Variants in AREL1 observed in about 807,000 individuals in gnomAD.
The protein encoded by AREL1 is apoptosis-resistant E3 ubiquitin protein ligase 1.
AREL1 carries 62 observed loss-of-function variants against 99.0 expected under a neutral mutation model. The ratio of observed to expected loss-of-function variants is 0.63; its 90% CI spans 0.51 to 0.77. AREL1 has a LOEUF of 0.77. Among genes scored for constraint, AREL1 ranks in the 30% least tolerant of loss-of-function variants. AREL1 has a pLI of 0.00. For missense variants in AREL1, 879 were observed against 1,027.6 expected, an observed-to-expected ratio of 0.86 and a Z score of 1.98; for synonymous variants, 380 against 376.5, an observed-to-expected ratio of 1.01 and a Z score of -0.11.
At chr14:74,671,359 G>A (rs376649199) in intron 12 of AREL1, 49 bp downstream of exon 12, 24 of 608,496 alleles carry the variant, frequency 3.9e-5, no homozygotes, top group African/African-American at 1.0e-4. Flanking sequence ...GAGAAGGTGC[G>A]AGTGGGGAGG....
chr14:74,706,197 T>G (rs1285550172), intron 1 of AREL1, among the ~76,000 whole-genome samples: 1 of 152,196 alleles, frequency 6.6e-6, no homozygotes, highest in East Asian at 1.9e-4. Flanking sequence ...TTTGGACCAC[T>G]GAATCTTGGC....
intron 5 of AREL1, among the ~76,000 whole-genome samples, chr14:74,679,944 AG>A (rs1180306084): frequency 6.6e-6 from 1 of 152,072 alleles, no homozygotes; most frequent in Non-Finnish European, 1.5e-5. Flanking sequence ...TTTGGGGCCA[AG>A]GGGGTGGATC....
At chr14:74,670,326 T>C in intron 13 of AREL1, among the ~76,000 whole-genome samples, 200 bp from the exon 14 acceptor site, 1 of 152,216 alleles carries the variant, frequency 6.6e-6, no homozygotes, top group Non-Finnish European at 1.5e-5. Context: ...GTGGACATAA[T>C]TAAGAATCTT....
intron 4 of AREL1, among the ~76,000 whole-genome samples, 181 bp downstream of exon 4, chr14:74,684,273 A>G (rs2089697756): frequency 6.6e-6 from 1 of 152,240 alleles, no homozygotes; most frequent in African/African-American, 2.4e-5. Context: ...TTCAAAGCTA[A>G]GGACCTATTA....
chr14:74,695,445 A>T (rs903471116), intron 1 of AREL1, among the ~76,000 whole-genome samples: 9 of 152,072 alleles, frequency 5.9e-5, no homozygotes, highest in African/African-American at 2.2e-4. Flanking sequence ...CTATTTGATT[A>T]TTAAATCAAA....
intron 2 of AREL1, among the ~76,000 whole-genome samples, chr14:74,690,880 G>A (rs922861982): frequency 2.0e-5 from 3 of 151,952 alleles, no homozygotes; most frequent in Non-Finnish European, 2.9e-5. Flanking sequence ...CTTTACATAT[G>A]TTAACCTAAG....
At chr14:74,711,890 G>C (rs2140006059) in intron 1 of AREL1, 1 of 151,944 alleles carries the variant, frequency 6.6e-6, no homozygotes, top group South Asian at 2.1e-4. Flanking sequence ...TTCATCATAA[G>C]GGTTATACAA....
At chr14:74,701,983 C>T (rs984840491) in intron 1 of AREL1, among the ~76,000 whole-genome samples, 4 of 152,214 alleles carry the variant, frequency 2.6e-5, no homozygotes, top group Non-Finnish European at 5.9e-5. Flanking sequence ...CACGCTGACA[C>T]AAGAGGTGGG....
intron 1 of AREL1, among the ~76,000 whole-genome samples, chr14:74,696,289 G>A (rs897717460): frequency 2.0e-5 from 3 of 152,106 alleles, no homozygotes; most frequent in African/African-American, 7.2e-5. Context: ...CTCTTCTTAG[G>A]AAAAGAATTA....
intron 2 of AREL1, among the ~76,000 whole-genome samples, chr14:74,688,707 C>A (rs1446930662): frequency 6.6e-6 from 1 of 152,198 alleles, no homozygotes; most frequent in Non-Finnish European, 1.5e-5. Flanking sequence ...AACCACTCCC[C>A]ACCCCCATAG....
intron 8 of AREL1, among the ~76,000 whole-genome samples, chr14:74,675,423 TC>T (rs2089448345): frequency 6.6e-6 from 1 of 152,236 alleles, no homozygotes; most frequent in African/African-American, 2.4e-5. Context: ...TGCCAAAATT[TC>T]TTTACTCCAA....
Position 74,678,309 on chromosome 14 carries a change from C to T in AREL1, c.482-1557G>A, listed in dbSNP as rs376490763. The T allele has an allele frequency of 1.1e-4, 48 of 429,024 alleles. 1 individual carries two copies. Among genetic ancestry groups the T allele is most frequent in the South Asian group, 7.5e-4 (45 of 60,092 alleles). The allele number at this position is 429,024 out of a possible 1,614,324, so 26.6% of individuals were successfully genotyped here. A position where few individuals can be genotyped will look rare whatever the true frequency, so the allele number is the denominator to read the frequency against. On this transcript the variant is annotated intron_variant, in intron 5 of 19. Transcript: ENST00000356357. Reference sequence around the variant, plus strand: ...TCCAGGAGTTCGAGACCACCCTGGGCAACATAGTGAGACCCTATTCCTACA... The same window carrying T: ...TCCAGGAGTTCGAGACCACCCTGGGTAACATAGTGAGACCCTATTCCTACA...
At chr14:74,668,462 T>C (rs1429144806) in intron 15 of AREL1, among the ~76,000 whole-genome samples, 2 of 151,712 alleles carry the variant, frequency 1.3e-5, no homozygotes, top group Non-Finnish European at 2.9e-5. Flanking sequence ...GTATGCACAA[T>C]CCTGGATTTT....
chr14:74,676,024 C>A, intron 7 of AREL1, 78 bp from the exon 8 acceptor site: 2 of 1,544,140 alleles, frequency 1.3e-6, no homozygotes, highest in Non-Finnish European at 1.7e-6. Flanking sequence ...TTTTAGTCCA[C>A]AGGACAAGCC....
At chr14:74,699,376 TGA>T (rs57373009) in intron 1 of AREL1, among the ~76,000 whole-genome samples, 25,941 of 134,648 alleles carry the variant, frequency 0.19, 2,371 homozygotes, top group South Asian at 0.31. Context: ...TGTGTGTGTG[TGA>T]GAGAGAGAGA....
At chr14:74,676,037 A>T (rs1278516967) in intron 7 of AREL1, 91 bp from the exon 8 acceptor site, 1 of 1,549,230 alleles carries the variant, frequency 6.5e-7, no homozygotes, top group Non-Finnish European at 8.7e-7. Context: ...GACAAGCCAA[A>T]TGTGGCCCAA....
At chr14:74,681,471 T>C (rs2089625739) in intron 5 of AREL1, among the ~76,000 whole-genome samples, 1 of 127,016 alleles carries the variant, frequency 7.9e-6, no homozygotes, top group Non-Finnish European at 1.6e-5. Context: ...TTGCCAGGGG[T>C]TAAGAACAGG....
chr14:74,673,032 G>A (rs753844504), intron 10 of AREL1, 45 bp downstream of exon 10: 1 of 1,613,976 alleles, frequency 6.2e-7, no homozygotes, highest in Admixed American at 1.7e-5. Context: ...TCATGGATGT[G>A]GCTGGGCTCA....
intron 5 of AREL1, among the ~76,000 whole-genome samples, chr14:74,681,766 CAAAAAAAAAAAGAAAAAA>C (rs2089633906): frequency 1.1e-5 from 1 of 89,806 alleles, no homozygotes; most frequent in Non-Finnish European, 2.2e-5. Context: ...GAGACGCCAT[CAAAAAAAAAAAGAAAAAA>C]AAAAAAAGAA....
Sources: allele counts gnomAD v4.1 joint callset (sites outside exome capture counted in the v4.1 genomes callset), GRCh38; gene constraint gnomAD v4.1.1; transcripts MANE v1.5; gene names NCBI Gene and HGNC (gene_info 2026-07-23, HGNC 2026-07-21).